Variants in ATP8B2 observed in about 807,000 individuals in gnomAD.
The protein encoded by ATP8B2 is phospholipid-transporting ATPase ID.
Under a neutral mutation model 133.4 loss-of-function variants are expected in ATP8B2, and 70 were observed. That is an observed-to-expected ratio of 0.52 (90% CI 0.43 to 0.64). ATP8B2 has a LOEUF of 0.64. Among genes scored for constraint, ATP8B2 ranks in the 30% least tolerant of loss-of-function variants. The pLI is 0.00. For synonymous variants in ATP8B2, 517 were observed against 589.5 expected (o/e 0.88, Z 1.78); for missense variants, 1,101 against 1,535.7 (o/e 0.72, Z 4.73).
In ATP8B2 at chr1:154,334,410, T is replaced by C. The variant is rs1360898595; in HGVS notation, c.749-93T>C. 2 of 1,525,728 alleles carry C rather than the reference T, an allele frequency of 1.3e-6. No homozygotes were observed. The highest frequency in any genetic ancestry group is 2.7e-5 in the African/African-American group (2 of 72,772). 94.5% of individuals were successfully genotyped at this position (1,525,728 alleles called of 1,614,324 possible). A position where few individuals can be genotyped will look rare whatever the true frequency, so the allele number is the denominator to read the frequency against. ...CTTCTTATCTAGCCAGTATCTCTAT[T>C]CCACCCTGGTGTCCTGCAGTCTGGG... On this transcript the variant is annotated intron_variant, in intron 10 of 27. Transcript: ENST00000368489. The surrounding 1 kb of genome is among the most constrained non-coding windows in gnomAD (Gnocchi z 4.6).
chr1:154,334,640 G>T lies in ATP8B2; in HGVS notation c.837+49G>T. On this transcript the variant is annotated intron_variant, in intron 11 of 27. Coordinates refer to ENST00000368489, the MANE Select transcript of ATP8B2 (RefSeq NM_001370597.1). The surrounding 1 kb of genome is among the most constrained non-coding windows in gnomAD (Gnocchi z 4.6). ...CCTGCCCCTGCCCTCTCTTCTCCTT[G>T]GGTGCTCCTTTTCCTTTCCTCTTTC... 1 of 1,516,440 alleles carries T rather than the reference G, an allele frequency of 6.6e-7. No individual in the cohort carries two copies. Among genetic ancestry groups the T allele is most frequent in the South Asian group, 1.1e-5 (1 of 88,242 alleles). The allele number at this position is 1,516,440 out of a possible 1,614,324, so 93.9% of individuals were successfully genotyped here.
In ATP8B2 at chr1:154,349,279, T is replaced by C; in HGVS notation, c.*161T>C. The C allele has an allele frequency of 9.9e-7, 1 of 1,008,112 alleles. No homozygotes were observed. Among genetic ancestry groups the C allele is most frequent in the South Asian group, 1.7e-5 (1 of 59,894 alleles). 62.4% of individuals were successfully genotyped at this position (1,008,112 alleles called of 1,614,324 possible). A position where few individuals can be genotyped will look rare whatever the true frequency, so the allele number is the denominator to read the frequency against. On this transcript the variant is annotated 3_prime_UTR_variant, in exon 28 of 28. Coordinates refer to ENST00000368489, the MANE Select transcript of ATP8B2 (RefSeq NM_001370597.1). ...CACCACACATGGCTGGGACATCTGT[T>C]CCCAGCTGTAGGCCCTTCCACCAGC...
At chr1:154,332,510 A>G (rs1468755571) in intron 8 of ATP8B2, 108 bp from the exon 9 acceptor site, 1 of 837,296 alleles carries the variant, frequency 1.2e-6, no homozygotes, top group Non-Finnish European at 1.9e-6. Flanking sequence ...GTGAGCTATG[A>G]TTGTGCGACT....
chr1:154,335,341 G>A (rs960909977), intron 11 of ATP8B2, among the ~76,000 whole-genome samples: 1 of 152,214 alleles, frequency 6.6e-6, no homozygotes, highest in Non-Finnish European at 1.5e-5. Flanking sequence ...TTGGACAGTG[G>A]CCTGGTTTTT....
At chr1:154,332,812 G>A in intron 9 of ATP8B2, 115 bp downstream of exon 9, 1 of 796,338 alleles carries the variant, frequency 1.3e-6, no homozygotes, top group South Asian at 1.6e-5. Flanking sequence ...GCAACTCCCT[G>A]GACTGTTTTG....
chr1:154,332,752 T>C, intron 9 of ATP8B2, 55 bp downstream of exon 9: 1 of 1,335,106 alleles, frequency 7.5e-7, no homozygotes, highest in Non-Finnish European at 1.1e-6. Flanking sequence ...TGGGTTTTGT[T>C]TGGGGGCGTT....
intron 11 of ATP8B2, among the ~76,000 whole-genome samples, 166 bp from the exon 12 acceptor site, chr1:154,337,182 A>G (rs1456101210): frequency 6.6e-6 from 1 of 151,228 alleles, no homozygotes; most frequent in Admixed American, 6.6e-5. Context: ...AAGAAAGTTT[A>G]TGAATCTGTG....
chr1:154,335,796 T>G (rs1234925337), intron 11 of ATP8B2, among the ~76,000 whole-genome samples: 6 of 151,696 alleles, frequency 4.0e-5, no homozygotes, highest in Non-Finnish European at 8.8e-5. Flanking sequence ...TCCCAGCACT[T>G]TGGGAGACCG....
chr1:154,337,120 A>T lies in ATP8B2; in HGVS notation c.838-228A>T, dbSNP rs9661343. Among the ~76,000 whole-genome samples the T allele has an allele frequency of 0.05, 814 of 16,296 alleles. 5 individuals carry two copies. The highest frequency in any genetic ancestry group is 0.19 in the Middle Eastern group (5 of 26). The allele number at this position is 16,296 out of a possible 152,430, so 10.7% of individuals were successfully genotyped here. On this transcript the variant is annotated intron_variant, in intron 11 of 27. Transcript: ENST00000368489. Reference sequence around the variant, plus strand: ...GCCCATAATAGTTTTTTTTTTTTTTATAATTATTTTTCATTTAACATTCAG... The same window carrying T: ...GCCCATAATAGTTTTTTTTTTTTTTTTAATTATTTTTCATTTAACATTCAG...
rs758569511 is a variant in ATP8B2, at chr1:154,343,191, G to T, written c.1532G>T (p.Arg511Leu). 1 of 1,614,032 alleles carries T rather than the reference G, an allele frequency of 6.2e-7. No individual in the cohort carries two copies. The highest frequency in any genetic ancestry group is 8.5e-7 in the Non-Finnish European group (1 of 1,180,016). The change falls in exon 16 of 28, where the codon CGC (arginine) becomes CTC (leucine). Residue 511 changes from arginine (R) to leucine (L), a missense_variant. Transcript: ENST00000368489. This position sits in a 1 kb window ranked among gnomAD's most constrained non-coding sequence, Gnocchi z 5.8. ...TAARNFGFVFRSRTPKTITVH... is the reference protein window; with the variant it reads ...TAARNFGFVFLSRTPKTITVH... Reference sequence around the variant, plus strand: ...GCCAGGAACTTTGGTTTTGTTTTCCGCTCTCGCACCCCCAAAACAATCACC... The same window carrying T: ...GCCAGGAACTTTGGTTTTGTTTTCCTCTCTCGCACCCCCAAAACAATCACC...
rs1686745452 is a variant in ATP8B2 at position 154,350,388 on chromosome 1, T to C, written c.*1270T>C. On this transcript the variant is annotated 3_prime_UTR_variant, in exon 28 of 28. Transcript: ENST00000368489. ...CCAGCTCAGGGAGGCGTAGTTTTCTTTAATTTTAAATTTAAACCCAAGTTT... is the reference window on the plus strand; with the variant it reads ...CCAGCTCAGGGAGGCGTAGTTTTCTCTAATTTTAAATTTAAACCCAAGTTT... 1 of 152,080 alleles carries C rather than the reference T, an allele frequency of 6.6e-6. No individual in the cohort carries two copies. Among genetic ancestry groups the C allele is most frequent in the Admixed American group, 6.6e-5 (1 of 15,258 alleles). 9.4% of individuals were successfully genotyped at this position (152,080 alleles called of 1,614,324 possible).
In ATP8B2 at chr1:154,345,757, C is replaced by T; in HGVS notation, c.2695-43C>T. On this transcript the variant is annotated intron_variant, in intron 23 of 27. Transcript: ENST00000368489. This position sits in a 1 kb window ranked among gnomAD's most constrained non-coding sequence, Gnocchi z 5.6. ...CTGTCTTCCTGTGCCTGATGTGTAG[C>T]AAAGAAAGGTTGCATGCTCCCTTGC... The T allele has an allele frequency of 1.3e-6, 2 of 1,539,012 alleles. No individual in the cohort carries two copies. Among genetic ancestry groups the T allele is most frequent in the Non-Finnish European group, 1.8e-6 (2 of 1,111,980 alleles).
At position 154,344,118 on chromosome 1, in the gene ATP8B2, C is replaced by G; in HGVS notation, c.1924-25C>G. ...AGGGCTCATGCCTGCAATTCTTGTGCCAGGAATCCTTGTGGTATTTTCAGC... is the reference window on the plus strand; with the variant it reads ...AGGGCTCATGCCTGCAATTCTTGTGGCAGGAATCCTTGTGGTATTTTCAGC... On this transcript the variant is annotated intron_variant, in intron 18 of 27. Transcript: ENST00000368489. This position sits in a 1 kb window ranked among gnomAD's most constrained non-coding sequence, Gnocchi z 4.1. 6.2e-7 allele frequency: 1 copy of G among 1,614,180 alleles called. No individual in the cohort carries two copies. Among genetic ancestry groups the G allele is most frequent in the South Asian group, 1.1e-5 (1 of 91,088 alleles).
In ATP8B2 at chr1:154,346,656, C is replaced by G. The variant is rs768186918; in HGVS notation, c.3061C>G (p.His1021Asp). ...LDTGYWTAIN[H>D]FFIWGSLAVY... ...CACAGGCTACTGGACGGCCATCAAC[C>G]ACTTCTTCATCTGGGGAAGCCTTGC... Residue 1021 changes from histidine (H) to aspartate (D), a missense_variant, in exon 26 of 28, where the codon CAC becomes GAC. Transcript: ENST00000368489. The surrounding 1 kb of genome is among the most constrained non-coding windows in gnomAD (Gnocchi z 4.5). The G allele has an allele frequency of 1.2e-6, 2 of 1,614,230 alleles. No homozygotes were observed. The highest frequency in any genetic ancestry group is 1.7e-5 in the Admixed American group (1 of 60,018).
rs377644632 is a variant in ATP8B2, at chr1:154,328,185, A to G, written c.31+13A>G. On this transcript the variant is annotated intron_variant, in intron 2 of 27. Transcript: ENST00000368489. This position sits in a 1 kb window ranked among gnomAD's most constrained non-coding sequence, Gnocchi z 4.6. ...AAGCGCCCCCCAGGTAAGACAGGCAAGGAGGGGAGATCCCGGGAACCATCA... is the reference window on the plus strand; with the variant it reads ...AAGCGCCCCCCAGGTAAGACAGGCAGGGAGGGGAGATCCCGGGAACCATCA... 1.4e-5 allele frequency: 23 copies of G among 1,611,140 alleles called. No homozygotes were observed. Among genetic ancestry groups the G allele is most frequent in the Non-Finnish European group, 1.9e-5 (22 of 1,177,564 alleles).
chr1:154,326,764 T>C (rs547618622), intron 1 of ATP8B2, among the ~76,000 whole-genome samples: 1 of 152,328 alleles, frequency 6.6e-6, no homozygotes, highest in East Asian at 1.9e-4. Context: ...AGGCTGATAG[T>C]GTTTCTTGAT....
chr1:154,340,460 T>G lies in ATP8B2; in HGVS notation c.1035-394T>G. The G allele has an allele frequency of 4.8e-6, 1 of 209,834 alleles. No homozygotes were observed. The highest frequency in any genetic ancestry group is 1.1e-5 in the Non-Finnish European group (1 of 93,602). The allele number at this position is 209,834 out of a possible 1,614,324, so 13.0% of individuals were successfully genotyped here. A position where few individuals can be genotyped will look rare whatever the true frequency, so the allele number is the denominator to read the frequency against. On this transcript the variant is annotated intron_variant, in intron 12 of 27. Coordinates refer to ENST00000368489, the MANE Select transcript of ATP8B2 (RefSeq NM_001370597.1). The surrounding 1 kb of genome is among the most constrained non-coding windows in gnomAD (Gnocchi z 4.0). ...GCTGTGGCATGCACAGCACCCTCATTATTTCTCTCTCTCTTTTCTCTCCCC... is the reference window on the plus strand; with the variant it reads ...GCTGTGGCATGCACAGCACCCTCATGATTTCTCTCTCTCTTTTCTCTCCCC...
At position 154,342,886 on chromosome 1, in the gene ATP8B2, G is replaced by A. The variant is rs368325333; in HGVS notation, c.1378G>A (p.Gly460Arg). 13 of 1,614,008 alleles carry A rather than the reference G, an allele frequency of 8.1e-6. No individual in the cohort carries two copies. Among genetic ancestry groups the A allele is most frequent in the East Asian group, 2.2e-5 (1 of 44,876 alleles). ...DPSLLEAVKI[G>R]DPHTHEFFRL... ...CAGCCTGCTGGAGGCTGTCAAGATC[G>A]GGGACCCCCACACGCATGAGTTCTT... The change falls in exon 15 of 28, where the codon GGG becomes AGG. Residue 460 changes from glycine to arginine, a missense_variant. Gly to Arg is a moderately radical substitution (Grantham distance 125). Coordinates refer to ENST00000368489, the MANE Select transcript of ATP8B2 (RefSeq NM_001370597.1).
rs1685848985 is a variant in ATP8B2 at position 154,327,965 on chromosome 1, T to TA, written c.-37-138dup. On this transcript the variant is annotated intron_variant, in intron 1 of 27. Transcript: ENST00000368489. ...CTTTCCCAGGAACCCATCATGGCAG[T>TA]AAGAGGAGAGACTGGGAGAAGGAGG... 2.6e-6 allele frequency: 4 copies of TA among 1,518,172 alleles called. No individual in the cohort carries two copies. The East Asian group carries it at 9.0e-5, about 34-fold the overall frequency. The allele number at this position is 1,518,172 out of a possible 1,614,324, so 94.0% of individuals were successfully genotyped here.
Sources: allele counts gnomAD v4.1 joint callset (sites outside exome capture counted in the v4.1 genomes callset), GRCh38; gene constraint gnomAD v4.1.1; non-coding constraint Gnocchi (gnomAD v3.1); transcripts MANE v1.5; gene names NCBI Gene and HGNC (gene_info 2026-07-23, HGNC 2026-07-21).